Variants in STXBP5L observed in about 807,000 individuals in gnomAD.
STXBP5L encodes syntaxin binding protein 5L.
In STXBP5L, 65 loss-of-function variants were observed where a neutral mutation model predicts 144.5. The ratio of observed to expected loss-of-function variants is 0.45; its 90% CI spans 0.37 to 0.55. The LOEUF is 0.55. Among genes scored for constraint, STXBP5L ranks in the 20% least tolerant of loss-of-function variants. The pLI, the probability that STXBP5L is intolerant of heterozygous loss-of-function variation, is 0.00. For missense variants in STXBP5L, 1,298 were observed against 1,405.5 expected (o/e 0.92, Z 1.22); for synonymous variants, 505 against 469.6 (o/e 1.08, Z -0.97).
intron 9 of STXBP5L, among the ~76,000 whole-genome samples, chr3:121,180,269 C>G (rs80148302): frequency 0.14 from 21,050 of 152,226 alleles, 1,640 homozygotes; most frequent in South Asian, 0.27. Flanking sequence ...CCAGAAGGAA[C>G]TGGGGTCCCA....
At chr3:120,948,459 A>G (rs1400016119) in intron 2 of STXBP5L, among the ~76,000 whole-genome samples, 1 of 151,754 alleles carries the variant, frequency 6.6e-6, no homozygotes, top group Non-Finnish European at 1.5e-5. Context: ...TTGGTTACAT[A>G]GATAACTACT....
intron 3 of STXBP5L, among the ~76,000 whole-genome samples, chr3:121,017,784 AAATGGGGGGGTGGT>A (rs1945244695): frequency 1.4e-5 from 2 of 147,620 alleles, no homozygotes; most frequent in East Asian, 3.9e-4. Flanking sequence ...AGATCTAAAT[AAATGGGGGGGTGGT>A]GAAGGTGATG....
At chr3:121,245,403 A>G (rs2049816621) in intron 14 of STXBP5L, among the ~76,000 whole-genome samples, 2 of 151,722 alleles carry the variant, frequency 1.3e-5, no homozygotes, top group African/African-American at 4.8e-5. Flanking sequence ...GAAAGTCAAA[A>G]TAACCACATA....
At chr3:121,362,407 G>T (rs2108641493) in intron 20 of STXBP5L, among the ~76,000 whole-genome samples, 1 of 152,326 alleles carries the variant, frequency 6.6e-6, no homozygotes, top group Middle Eastern at 3.4e-3. Flanking sequence ...GGTAGGTCCA[G>T]AAGTGCTGTC....
intron 9 of STXBP5L, among the ~76,000 whole-genome samples, chr3:121,185,776 T>C (rs981637797): frequency 3.9e-5 from 6 of 152,116 alleles, no homozygotes; most frequent in Non-Finnish European, 5.9e-5. Context: ...CTCTTGGCAA[T>C]GTGGGCCCTT....
chr3:120,942,927 C>T (rs1359609906), intron 2 of STXBP5L, among the ~76,000 whole-genome samples: 1 of 151,538 alleles, frequency 6.6e-6, no homozygotes, highest in Non-Finnish European at 1.5e-5. Flanking sequence ...CCTGGTTTGA[C>T]TGCTAAATTT....
At chr3:121,005,416 A>C (rs1490528104) in intron 3 of STXBP5L, among the ~76,000 whole-genome samples, 1 of 151,868 alleles carries the variant, frequency 6.6e-6, no homozygotes. Flanking sequence ...ATCATGTTTT[A>C]TTGCGTCTAT....
intron 5 of STXBP5L, among the ~76,000 whole-genome samples, chr3:121,097,471 G>A (rs931301659): frequency 9.9e-5 from 15 of 152,202 alleles, no homozygotes; most frequent in Non-Finnish European, 1.5e-4. Flanking sequence ...CCTGGTCTGC[G>A]GGGTTGCAAA....
intron 18 of STXBP5L, among the ~76,000 whole-genome samples, chr3:121,261,273 A>G (rs17196063): frequency 6.6e-6 from 1 of 152,092 alleles, no homozygotes; most frequent in Non-Finnish European, 1.5e-5. Flanking sequence ...CAGCTTGGAC[A>G]TCTATCTCAT....
chr3:120,953,179 T>C (rs1263957936), intron 2 of STXBP5L, among the ~76,000 whole-genome samples: 1 of 152,020 alleles, frequency 6.6e-6, no homozygotes, highest in Non-Finnish European at 1.5e-5. Context: ...TTGAAATAGA[T>C]TCACTTAAAG....
At chr3:121,000,313 C>A (rs182670461) in intron 3 of STXBP5L, among the ~76,000 whole-genome samples, 1 of 152,112 alleles carries the variant, frequency 6.6e-6, no homozygotes, top group East Asian at 1.9e-4. Flanking sequence ...CTTTTACATT[C>A]TTTTTTCCTT....
chr3:121,328,101 G>T (rs1483611117), intron 20 of STXBP5L, among the ~76,000 whole-genome samples: 2 of 152,176 alleles, frequency 1.3e-5, no homozygotes, highest in South Asian at 2.1e-4. Context: ...ACAATTGAAG[G>T]CTTTATCAAG....
At chr3:121,173,898 TTGTA>T in intron 9 of STXBP5L, among the ~76,000 whole-genome samples, 1 of 124,162 alleles carries the variant, frequency 8.1e-6, no homozygotes, top group East Asian at 2.2e-4. Flanking sequence ...TAGTGGCACT[TTGTA>T]TGGGTTCCAT....
intron 19 of STXBP5L, among the ~76,000 whole-genome samples, chr3:121,306,379 C>T (rs1422100004): frequency 6.6e-6 from 1 of 152,142 alleles, no homozygotes; most frequent in African/African-American, 2.4e-5. Context: ...AGAAGCTCTA[C>T]CCCAGGCATA....
At chr3:121,324,493 G>T in intron 20 of STXBP5L, 3 of 691,884 alleles carry the variant, frequency 4.3e-6, no homozygotes, top group Non-Finnish European at 7.9e-6. Flanking sequence ...CTTCCTTTAG[G>T]ACTTGCTACC....
At chr3:121,207,379 C>G (rs2048378079) in intron 10 of STXBP5L, among the ~76,000 whole-genome samples, 1 of 152,108 alleles carries the variant, frequency 6.6e-6, no homozygotes, top group African/African-American at 2.4e-5. Context: ...CATAAAAACC[C>G]TAGAAGAAAA....
At chr3:121,278,060 T>G (rs1256911241) in intron 18 of STXBP5L, among the ~76,000 whole-genome samples, 1 of 151,980 alleles carries the variant, frequency 6.6e-6, no homozygotes, top group Non-Finnish European at 1.5e-5. Flanking sequence ...GCCTTATTAG[T>G]TGTAGCTGTT....
At chr3:121,050,420 G>T (rs1319116803) in intron 5 of STXBP5L, among the ~76,000 whole-genome samples, 1 of 151,964 alleles carries the variant, frequency 6.6e-6, no homozygotes, top group Admixed American at 6.6e-5. Flanking sequence ...AGAGAGTGGG[G>T]GCCAATATTC....
At chr3:121,375,994 C>T (rs767541767) in intron 20 of STXBP5L, among the ~76,000 whole-genome samples, 3 of 152,086 alleles carry the variant, frequency 2.0e-5, no homozygotes, top group Non-Finnish European at 4.4e-5. Context: ...TTTTTAAGTT[C>T]TATCAAAACA....
Sources: allele counts gnomAD v4.1 joint callset (sites outside exome capture counted in the v4.1 genomes callset), GRCh38; gene constraint gnomAD v4.1.1; transcripts MANE v1.5; gene names NCBI Gene and HGNC (gene_info 2026-07-23, HGNC 2026-07-21).